TBC1D14: variants seen among roughly 807,000 people sequenced by gnomAD.
TBC1D14 encodes TBC1 domain family member 14, also known as TBC1 domain family, member 14.
A neutral mutation model predicts 79.0 loss-of-function variants in TBC1D14; 26 were observed. The ratio of observed to expected loss-of-function variants is 0.33; its 90% CI spans 0.24 to 0.46. The LOEUF is 0.46. Ranked by LOEUF, TBC1D14 falls within the 20% of genes least tolerant of loss-of-function variation. The probability of loss-of-function intolerance (pLI) is 1.00; values close to 1 mark genes in which losing one functional copy is unlikely to be tolerated. For missense variants in TBC1D14, 769 were observed against 887.6 expected (o/e 0.87, Z 1.70); for synonymous variants, 394 against 349.9 (o/e 1.13, Z -1.40).
chr4:7,016,111 G>C (rs370635880), intron 12 of TBC1D14, among the ~76,000 whole-genome samples: 1 of 152,088 alleles, frequency 6.6e-6, no homozygotes, highest in Non-Finnish European at 1.5e-5. Context: ...TGTGCCTTTG[G>C]GATTCTTGGT....
chr4:6,918,295 G>A (rs1034765675), intron 1 of TBC1D14, among the ~76,000 whole-genome samples: 5 of 152,212 alleles, frequency 3.3e-5, no homozygotes, highest in African/African-American at 1.2e-4. Context: ...CGTGAGTGAT[G>A]CCTTCTGTTT....
rs1722225553 is a variant in TBC1D14 at position 7,025,145 on chromosome 4, G to A, written c.1899G>A (p.Met633Ile). Residue 633 changes from methionine (M) to isoleucine (I), a missense_variant, in exon 13 of 14, where the codon ATG (methionine) becomes ATA (isoleucine). Transcript: ENST00000409757. ...LKLFEDILTK[M>I]DFIHMAQFLT... is the part of the protein sequence containing the mutation. ...TGTTCGAGGACATCCTGACCAAGAT[G>A]GACTTCATTCACATGGCCCAGTTCC... 1.2e-6 allele frequency: 2 copies of A among 1,614,096 alleles called. No individual in the cohort carries two copies.
At chr4:7,013,950 C>T (rs572690864) in intron 11 of TBC1D14, among the ~76,000 whole-genome samples, 2 of 152,250 alleles carry the variant, frequency 1.3e-5, no homozygotes, top group East Asian at 3.9e-4. Context: ...GGAGTTTCAC[C>T]GTGTTAGCGA....
At chr4:6,944,990 C>T (rs574622694) in intron 2 of TBC1D14, among the ~76,000 whole-genome samples, 1 of 152,368 alleles carries the variant, frequency 6.6e-6, no homozygotes, top group South Asian at 2.1e-4. Context: ...CAATCCCCAG[C>T]TAACCCCAGC....
chr4:6,992,320 C>T (rs1218327772), intron 3 of TBC1D14, among the ~76,000 whole-genome samples: 1 of 152,174 alleles, frequency 6.6e-6, no homozygotes, highest in Non-Finnish European at 1.5e-5. Context: ...AAACTGCACA[C>T]CTGTGGGTTT....
chr4:6,999,368 T>C (rs1250580708), intron 6 of TBC1D14, among the ~76,000 whole-genome samples, 166 bp downstream of exon 6: 2 of 152,038 alleles, frequency 1.3e-5, no homozygotes, highest in Non-Finnish European at 2.9e-5. Context: ...CATCCCTTGC[T>C]TGGAGACTGT....
chr4:6,959,526 C>T (rs1458932309), intron 2 of TBC1D14, among the ~76,000 whole-genome samples: 2 of 152,122 alleles, frequency 1.3e-5, no homozygotes, highest in African/African-American at 4.8e-5. Context: ...TCCAGCAGGG[C>T]CCCCGCCTCT....
chr4:7,014,648 C>A, intron 12 of TBC1D14, 91 bp downstream of exon 12: 1 of 877,522 alleles, frequency 1.1e-6, no homozygotes, highest in Non-Finnish European at 1.8e-6. Context: ...CATGGCCCGG[C>A]TGAGTCCTCA....
chr4:7,019,851 G>A (rs1721647831), intron 12 of TBC1D14, among the ~76,000 whole-genome samples: 1 of 62,342 alleles, frequency 1.6e-5, no homozygotes, highest in Non-Finnish European at 2.9e-5. Flanking sequence ...GTGGGTATGT[G>A]AACCCCGCTG....
chr4:7,026,841 G>A (rs917164625), intron 13 of TBC1D14, among the ~76,000 whole-genome samples: 1 of 152,154 alleles, frequency 6.6e-6, no homozygotes, highest in Non-Finnish European at 1.5e-5. Flanking sequence ...AGGCTGCACT[G>A]GGCTGTGATT....
chr4:7,000,425 A>G (rs1489085222), intron 6 of TBC1D14, among the ~76,000 whole-genome samples: 1 of 152,214 alleles, frequency 6.6e-6, no homozygotes, highest in Admixed American at 6.5e-5. Flanking sequence ...GTATAGGTTC[A>G]GAGAGGAGAG....
chr4:7,019,585 A>T (rs1407001857), intron 12 of TBC1D14, among the ~76,000 whole-genome samples: 3 of 152,222 alleles, frequency 2.0e-5, no homozygotes, highest in Non-Finnish European at 2.9e-5. Context: ...CATCGTTGGC[A>T]CACCCTGGCC....
chr4:6,924,997 G>A (rs969849307), intron 2 of TBC1D14, among the ~76,000 whole-genome samples: 10 of 152,134 alleles, frequency 6.6e-5, no homozygotes, highest in Admixed American at 5.2e-4. Context: ...AGTACGTGTA[G>A]AATTGAGATC....
intron 2 of TBC1D14, among the ~76,000 whole-genome samples, chr4:6,951,681 A>AC (rs11458733): frequency 6.6e-6 from 1 of 152,204 alleles, no homozygotes; most frequent in Admixed American, 6.5e-5. Context: ...GCCAATAAAT[A>AC]ATTTGTCGAA....
intron 1 of TBC1D14, among the ~76,000 whole-genome samples, chr4:6,910,930 G>T (rs1436176152): frequency 6.6e-6 from 1 of 152,202 alleles, no homozygotes; most frequent in East Asian, 1.9e-4. Context: ...GAGGAGGGTA[G>T]TCGTGGTGGT....
Position 7,004,671 on chromosome 4 carries a change from A to G in TBC1D14, c.1271-173A>G, listed in dbSNP as rs2301818. ...TTGTTTCAGGCTGTGTCTTTAAACAATAAAATTACTTTCAGGCCAAGTTGG... is the reference window on the plus strand; with the variant it reads ...TTGTTTCAGGCTGTGTCTTTAAACAGTAAAATTACTTTCAGGCCAAGTTGG... On this transcript the variant is annotated intron_variant, in intron 7 of 13. Coordinates refer to ENST00000409757, the MANE Select transcript of TBC1D14 (RefSeq NM_020773.3). 0.1 allele frequency among the ~76,000 whole-genome samples: 15,396 copies of G among 152,292 alleles called. 1,019 individuals carry two copies. The highest frequency in any genetic ancestry group is 0.21 in the Middle Eastern group (62 of 294).
intron 1 of TBC1D14, among the ~76,000 whole-genome samples, chr4:6,911,225 G>A (rs1008326206): frequency 2.0e-5 from 3 of 152,114 alleles, no homozygotes; most frequent in African/African-American, 2.4e-5. Flanking sequence ...TGTGGGCTCC[G>A]CAATCCTAAT....
chr4:6,911,541 G>A (rs1001266673), intron 1 of TBC1D14, among the ~76,000 whole-genome samples: 1 of 152,202 alleles, frequency 6.6e-6, no homozygotes, highest in Non-Finnish European at 1.5e-5. Context: ...ATTCAGCTTG[G>A]GCTTTGCCTC....
At chr4:6,938,519 G>A (rs1331937514) in intron 2 of TBC1D14, among the ~76,000 whole-genome samples, 2 of 152,154 alleles carry the variant, frequency 1.3e-5, no homozygotes, top group African/African-American at 4.8e-5. Context: ...CCCACAGCAG[G>A]TGTCCCCTTG....
Sources: allele counts gnomAD v4.1 joint callset (sites outside exome capture counted in the v4.1 genomes callset), GRCh38; gene constraint gnomAD v4.1.1; transcripts MANE v1.5; gene names NCBI Gene and HGNC (gene_info 2026-07-23, HGNC 2026-07-21).